The following SETD1B variants were observed in gnomAD, a reference collection of about 807,000 sequenced individuals.
The protein encoded by SETD1B is histone-lysine N-methyltransferase SETD1B.
SETD1B carries 7 observed loss-of-function variants against 148.0 expected under a neutral mutation model. The ratio of observed to expected loss-of-function variants is 0.05; its 90% CI spans 0.03 to 0.09. The LOEUF is 0.09. SETD1B is among the 10% of genes least tolerant of loss of function. SETD1B has a pLI of 1.00. For synonymous variants in SETD1B, 1,361 were observed against 1,186.5 expected (o/e 1.15, Z -3.02); for missense variants, 2,155 against 2,729.9 (o/e 0.79, Z 4.69).
At chr12:121,791,779 G>A in the SETD1B span, among the ~76,000 whole-genome samples, 1 of 152,206 alleles carries the variant, frequency 6.6e-6, no homozygotes, top group Non-Finnish European at 1.5e-5. Flanking sequence ...GGCAGAGGAG[G>A]AGGAAAGAAA....
At position 121,825,240 on chromosome 12, in the gene SETD1B, T is replaced by C. The variant is rs1325219458; in HGVS notation, c.5211T>C (p.Asp1737=). Residue 1737 remains aspartate (D), a synonymous_variant, in exon 13 of 17, where the codon GAT becomes GAC. Transcript: ENST00000604567. The stretch of plus-strand genomic sequence containing the variant: ...CAGCTAAGAAGAAGAAACGGGACGA[T>C]GGCATCCGCGAGCACGTGACGGGCT... ...LSSAKKKKRD[D]GIREHVTGCA... 1 of 1,551,704 alleles carries C rather than the reference T, an allele frequency of 6.4e-7. No individual in the cohort carries two copies. Among genetic ancestry groups the C allele is most frequent in the Non-Finnish European group, 8.7e-7 (1 of 1,147,010 alleles).
At chr12:121,791,918 T>G in the SETD1B span, among the ~76,000 whole-genome samples, 1 of 152,206 alleles carries the variant, frequency 6.6e-6, no homozygotes, top group Non-Finnish European at 1.5e-5. Flanking sequence ...AGAGTAAAGG[T>G]GTCCCAGACC....
At chr12:121,793,260 T>C in the SETD1B span, 3 of 1,549,342 alleles carry the variant, frequency 1.9e-6, no homozygotes, top group Non-Finnish European at 1.7e-6. Flanking sequence ...GGGGGTCGGG[T>C]TGGTCCTTAG....
rs184846228 is a variant in SETD1B at position 121,828,967 on chromosome 12, G to C, written c.5727+897G>C. 6.8e-4 allele frequency among the ~76,000 whole-genome samples: 104 copies of C among 152,282 alleles called. 2 individuals carry two copies. Among genetic ancestry groups the C allele is most frequent in the African/African-American group, 2.3e-3 (97 of 41,542 alleles). On this transcript the variant is annotated intron_variant, in intron 16 of 16. Coordinates refer to ENST00000604567, the MANE Select transcript of SETD1B (RefSeq NM_001353345.2). ...TGTGAATATCCGGGGAGATCTGAGG[G>C]GTGAGAGGGAATTGCCCAGGGGAAG...
At chr12:121,793,671 C>T in the SETD1B span, 30 of 1,489,726 alleles carry the variant, frequency 2.0e-5, no homozygotes, top group Non-Finnish European at 2.6e-5. Flanking sequence ...GCGCGCCGGG[C>T]ACTAGCGGAG....
intron 4 of SETD1B, among the ~76,000 whole-genome samples, chr12:121,806,874 G>A (rs558605171): frequency 3.9e-4 from 60 of 152,296 alleles, no homozygotes; most frequent in Non-Finnish European, 7.5e-4. Context: ...TGGAGGACTC[G>A]AGGGCATTCC....
At chr12:121,806,656 C>T (rs1319588476) in intron 4 of SETD1B, among the ~76,000 whole-genome samples, 3 of 152,168 alleles carry the variant, frequency 2.0e-5, no homozygotes, top group Non-Finnish European at 4.4e-5. Flanking sequence ...ACAGAGCCGC[C>T]GGGGAAGAGC....
the SETD1B span, chr12:121,797,906 G>A: frequency 6.1e-6 from 2 of 327,340 alleles, no homozygotes; most frequent in African/African-American, 2.2e-5. Flanking sequence ...TTGGGCAGCG[G>A]GGAGTCTGGG....
the SETD1B span, among the ~76,000 whole-genome samples, chr12:121,791,684 A>G: frequency 6.6e-6 from 1 of 152,234 alleles, no homozygotes; most frequent in East Asian, 1.9e-4. Context: ...CTCTCTGGGC[A>G]AGGCCAGAAA....
intron 6 of SETD1B, among the ~76,000 whole-genome samples, chr12:121,811,209 C>G (rs868157589): frequency 1.6e-4 from 24 of 152,278 alleles, no homozygotes; most frequent in African/African-American, 5.5e-4. Context: ...GTCCCCTTGT[C>G]TGTTGCGTGG....
chr12:121,825,457 G>A, intron 13 of SETD1B, 91 bp downstream of exon 13: 2 of 1,104,662 alleles, frequency 1.8e-6, no homozygotes, highest in South Asian at 1.4e-5. Context: ...GCAGAGGGAG[G>A]AGTTGTGAGG....
rs896589040 is a variant in SETD1B, at chr12:121,832,290, A to G, written c.*2051A>G. ...TCGGCTGGCCTTCACTAAGGGGACT[A>G]GACCTCCCTCTCCCCAGGAGCCCCA... On this transcript the variant is annotated 3_prime_UTR_variant, in exon 17 of 17. Coordinates refer to ENST00000604567, the MANE Select transcript of SETD1B (RefSeq NM_001353345.2). 1.3e-5 allele frequency: 2 copies of G among 153,232 alleles called. No individual in the cohort carries two copies. Among genetic ancestry groups the G allele is most frequent in the Non-Finnish European group, 2.9e-5 (2 of 68,778 alleles). 9.5% of individuals were successfully genotyped at this position (153,232 alleles called of 1,614,324 possible). A position where few individuals can be genotyped will look rare whatever the true frequency, so the allele number is the denominator to read the frequency against.
At chr12:121,807,909 G>C (rs977128209) in intron 4 of SETD1B, among the ~76,000 whole-genome samples, 1 of 152,022 alleles carries the variant, frequency 6.6e-6, no homozygotes, top group African/African-American at 2.4e-5. Flanking sequence ...GCAGGGGTGG[G>C]GGGGGGCTGG....
the SETD1B span, chr12:121,793,188 T>A: frequency 6.4e-7 from 1 of 1,550,832 alleles, no homozygotes; most frequent in Non-Finnish European, 8.7e-7. Flanking sequence ...ACCTCCTTGC[T>A]GCCAACGGTC....
At chr12:121,813,457 G>A (rs913570402) in intron 6 of SETD1B, among the ~76,000 whole-genome samples, 5 of 152,216 alleles carry the variant, frequency 3.3e-5, no homozygotes, top group African/African-American at 9.6e-5. Flanking sequence ...CCACTTCCTG[G>A]TTCAAATCCC....
In SETD1B at chr12:121,804,983, C is replaced by T. The variant is rs916473343; in HGVS notation, c.174+72C>T. The stretch of plus-strand genomic sequence containing the variant: ...GGGAGACGCGCCTAGCGGCCAGGGA[C>T]CCCCCGCCCGATCCCCCGGCCAACT... On this transcript the variant is annotated intron_variant, in intron 2 of 16. Transcript: ENST00000604567. This position sits in a 1 kb window ranked among gnomAD's most constrained non-coding sequence, Gnocchi z 4.6. 6.9e-6 allele frequency: 10 copies of T among 1,459,498 alleles called. No homozygotes were observed. In the East Asian group the frequency reaches 7.5e-5, roughly 11 times the overall value. 90.4% of individuals were successfully genotyped at this position (1,459,498 alleles called of 1,614,324 possible).
At chr12:121,827,160 G>A (rs1040085886) in intron 13 of SETD1B, among the ~76,000 whole-genome samples, 4 of 152,162 alleles carry the variant, frequency 2.6e-5, no homozygotes, top group African/African-American at 9.7e-5. Flanking sequence ...GAGGCCAAGA[G>A]CAGGACGTGA....
At chr12:121,793,688 G>A in the SETD1B span, 1 of 1,431,008 alleles carries the variant, frequency 7.0e-7, no homozygotes, top group Non-Finnish European at 9.1e-7. Flanking sequence ...GGAGCCAAGA[G>A]GTCGGGGGCG....
chr12:121,826,954 AG>A (rs1214985597), intron 13 of SETD1B, among the ~76,000 whole-genome samples: 1 of 151,554 alleles, frequency 6.6e-6, no homozygotes, highest in Non-Finnish European at 1.5e-5. Flanking sequence ...GAAAACACCC[AG>A]GCAGAGAGGT....
Sources: allele counts gnomAD v4.1 joint callset (sites outside exome capture counted in the v4.1 genomes callset), GRCh38; gene constraint gnomAD v4.1.1; non-coding constraint Gnocchi (gnomAD v3.1); transcripts MANE v1.5; gene names NCBI Gene and HGNC (gene_info 2026-07-23, HGNC 2026-07-21).